MAGI2: variants seen among roughly 807,000 people sequenced by gnomAD.
The protein encoded by MAGI2 is membrane-associated guanylate kinase, WW and PDZ domain-containing protein 2.
In MAGI2, 35 loss-of-function variants were observed where a neutral mutation model predicts 133.3. The observed-to-expected ratio is 0.26, with a 90% CI of 0.20 to 0.35. MAGI2 has a LOEUF of 0.35. MAGI2 is among the 10% of genes least tolerant of loss of function. The pLI is 1.00. For synonymous variants in MAGI2, 729 were observed against 710.6 expected, an observed-to-expected ratio of 1.03 and a Z score of -0.41; for missense variants, 1,636 against 1,863.4, an observed-to-expected ratio of 0.88 and a Z score of 2.25.
chr7:79,453,243 G>A lies in MAGI2; in HGVS notation c.78C>T (p.Gly26=). 1 of 1,613,848 alleles carries A rather than the reference G, an allele frequency of 6.2e-7. No homozygotes were observed. The change falls in exon 1 of 22, where the codon GGC becomes GGT. Residue 26 remains glycine (G), a synonymous_variant. Transcript: ENST00000354212. ...CCCCCTTCAGTTCAAAGCCCAGCTG[G>A]CCCTCCGGGTTCCTGCCAATGACAC... ...HESVIGRNPE[G]QLGFELKGGA...
intron 10 of MAGI2, chr7:78,253,689 GGACA>G (rs1296085042): frequency 6.6e-6 from 1 of 152,154 alleles, no homozygotes; most frequent in Admixed American, 6.5e-5. Flanking sequence ...GTCTGGGATA[GGACA>G]GACAATTACT....
At chr7:78,178,422 C>T (rs3807673) in intron 13 of MAGI2, among the ~76,000 whole-genome samples, 41,195 of 151,978 alleles carry the variant, frequency 0.27, 5,855 homozygotes, top group South Asian at 0.37. Context: ...TCAGATTGCC[C>T]TCAAGAAGCT....
chr7:78,508,888 C>CTTT lies in MAGI2; in HGVS notation c.755-7104_755-7102dup, dbSNP rs11329362. On this transcript the variant is annotated intron_variant, in intron 4 of 21. Transcript: ENST00000354212. ...TTTTATTGTTAAATTGAAAAATAGTCTTTTTTTTTTTTTTTGAGACGGGGT... is the reference window on the plus strand; with the variant it reads ...TTTTATTGTTAAATTGAAAAATAGTCTTTTTTTTTTTTTTTTTTGAGACGGGGT... Among the ~76,000 whole-genome samples, 330 of 141,388 alleles carry CTTT rather than the reference C, an allele frequency of 2.3e-3. 7 individuals are homozygous for CTTT. The highest frequency in any genetic ancestry group is 8.1e-3 in the African/African-American group (309 of 38,334). 92.8% of individuals were successfully genotyped at this position (141,388 alleles called of 152,430 possible).
intron 2 of MAGI2, among the ~76,000 whole-genome samples, chr7:78,676,924 T>G (rs1815103675): frequency 6.6e-6 from 1 of 152,102 alleles, no homozygotes; most frequent in Non-Finnish European, 1.5e-5. Context: ...GATTCAAAAT[T>G]TTATGCTCCA....
chr7:78,185,711 T>C lies in MAGI2; in HGVS notation c.2270-41A>G, dbSNP rs760229663. ...GGGAATTAAAGTTGAAATTCATTTATGGCATTTTAAAATTCATCTTTACTT... is the reference window on the plus strand; with the variant it reads ...GGGAATTAAAGTTGAAATTCATTTACGGCATTTTAAAATTCATCTTTACTT... On this transcript the variant is annotated intron_variant, in intron 12 of 21. Coordinates refer to ENST00000354212, the MANE Select transcript of MAGI2 (RefSeq NM_012301.4). 8 of 1,480,912 alleles carry C rather than the reference T, an allele frequency of 5.4e-6. No individual in the cohort carries two copies. The East Asian group carries it at 1.8e-4, about 34-fold the overall frequency. 91.7% of individuals were successfully genotyped at this position (1,480,912 alleles called of 1,614,324 possible).
chr7:78,647,748 A>G (rs1387232335), intron 2 of MAGI2, among the ~76,000 whole-genome samples: 2 of 152,222 alleles, frequency 1.3e-5, no homozygotes, highest in Non-Finnish European at 2.9e-5. Flanking sequence ...AACCAACACA[A>G]ATGTCCATGA....
intron 3 of MAGI2, among the ~76,000 whole-genome samples, chr7:78,561,242 G>A (rs759713082): frequency 5.3e-5 from 8 of 152,182 alleles, no homozygotes; most frequent in East Asian, 3.9e-4. Context: ...GTGGGCTCAC[G>A]AGACAGATGA....
intron 20 of MAGI2, among the ~76,000 whole-genome samples, chr7:78,093,326 C>T (rs118070649): frequency 4.7e-5 from 7 of 148,054 alleles, no homozygotes; most frequent in East Asian, 4.1e-4. Context: ...TGGTGGCGCA[C>T]GCCTGTAATC....
chr7:78,241,913 G>A (rs137891236), intron 10 of MAGI2, among the ~76,000 whole-genome samples: 2 of 151,174 alleles, frequency 1.3e-5, no homozygotes, highest in African/African-American at 2.4e-5. Flanking sequence ...CAGCCTGGAC[G>A]ACAGAGCGAG....
At chr7:78,184,790 G>C (rs1217330932) in intron 13 of MAGI2, 2 of 152,118 alleles carry the variant, frequency 1.3e-5, no homozygotes, top group African/African-American at 4.8e-5. Context: ...AAATTAATTG[G>C]TGTATTACTG....
chr7:78,564,362 C>G (rs1042392743), intron 3 of MAGI2, among the ~76,000 whole-genome samples: 1 of 152,174 alleles, frequency 6.6e-6, no homozygotes, highest in African/African-American at 2.4e-5. Flanking sequence ...AAACATTCTG[C>G]TTTAGATTAA....
chr7:79,437,745 T>C (rs1319359989), intron 1 of MAGI2, among the ~76,000 whole-genome samples: 2 of 152,132 alleles, frequency 1.3e-5, no homozygotes, highest in East Asian at 3.8e-4. Context: ...ACTGAAACCA[T>C]ATAGCTGATA....
chr7:78,552,357 AT>A (rs1262009369), intron 3 of MAGI2, among the ~76,000 whole-genome samples: 2 of 151,568 alleles, frequency 1.3e-5, no homozygotes. Flanking sequence ...CTAATTTTGT[AT>A]TTTTGGTAGA....
Position 79,453,620 on chromosome 7 carries a change from C to A in MAGI2, c.-300G>T, listed in dbSNP as rs1417971684. Reference sequence around the variant, plus strand: ...GCAGTGGTGGTGGCGTCGGCGGCGGCGGCGGCGGCAGCCGGAGCGAGCAGT... The same window carrying A: ...GCAGTGGTGGTGGCGTCGGCGGCGGAGGCGGCGGCAGCCGGAGCGAGCAGT... On this transcript the variant is annotated 5_prime_UTR_variant, in exon 1 of 22. Coordinates refer to ENST00000354212, the MANE Select transcript of MAGI2 (RefSeq NM_012301.4). 4 of 910,692 alleles carry A rather than the reference C, an allele frequency of 4.4e-6. No individual in the cohort carries two copies. Among genetic ancestry groups the A allele is most frequent in the South Asian group, 4.8e-5 (1 of 20,958 alleles). 56.4% of individuals were successfully genotyped at this position (910,692 alleles called of 1,614,324 possible). A position where few individuals can be genotyped will look rare whatever the true frequency, so the allele number is the denominator to read the frequency against.
At chr7:79,174,789 CA>C (rs1038844795) in intron 1 of MAGI2, among the ~76,000 whole-genome samples, 15 of 151,564 alleles carry the variant, frequency 9.9e-5, no homozygotes, top group African/African-American at 2.9e-4. Context: ...TGTTTACTTT[CA>C]AAAAAGTAAT....
chr7:79,413,060 G>A (rs1585888166), intron 1 of MAGI2: 3 of 152,264 alleles, frequency 2.0e-5, no homozygotes, highest in Admixed American at 2.0e-4. Context: ...AATAAGCATA[G>A]TGCTGCCTAT....
chr7:78,754,996 T>C (rs1823807160), intron 2 of MAGI2, among the ~76,000 whole-genome samples: 1 of 152,232 alleles, frequency 6.6e-6, no homozygotes, highest in Non-Finnish European at 1.5e-5. Context: ...GTCTCTATTA[T>C]GAAAAATGTA....
At chr7:78,936,165 A>T (rs2151668394) in intron 2 of MAGI2, among the ~76,000 whole-genome samples, 1 of 152,230 alleles carries the variant, frequency 6.6e-6, no homozygotes. Context: ...GGAAAATGAA[A>T]ACAAAGCAAA....
intron 1 of MAGI2, among the ~76,000 whole-genome samples, chr7:79,391,532 T>C (rs1471074820): frequency 0.01 from 656 of 62,790 alleles, 30 homozygotes; most frequent in African/African-American, 0.049. Context: ...TATATATATA[T>C]ATATAGACAT....
Sources: allele counts gnomAD v4.1 joint callset (sites outside exome capture counted in the v4.1 genomes callset), GRCh38; gene constraint gnomAD v4.1.1; transcripts MANE v1.5; gene names NCBI Gene and HGNC (gene_info 2026-07-23, HGNC 2026-07-21).